SLC16A12: variants seen among roughly 807,000 people sequenced by gnomAD.
SLC16A12 encodes the protein monocarboxylate transporter 12.
A neutral mutation model predicts 42.4 loss-of-function variants in SLC16A12; 17 were observed. The observed-to-expected ratio is 0.40, with a 90% CI of 0.27 to 0.60. The LOEUF is 0.60. Among genes scored for constraint, SLC16A12 ranks in the 20% least tolerant of loss-of-function variants. SLC16A12 has a pLI of 0.42. For synonymous variants in SLC16A12, 224 were observed against 229.4 expected (o/e 0.98, Z 0.21); for missense variants, 544 against 623.0 (o/e 0.87, Z 1.35).
intron 2 of SLC16A12, among the ~76,000 whole-genome samples, chr10:89,543,654 A>G (rs896150926): frequency 6.6e-6 from 1 of 151,576 alleles, no homozygotes; most frequent in African/African-American, 2.4e-5. Flanking sequence ...TATGGTGAAA[A>G]CCTGTCTCTA....
chr10:89,545,306 C>A (rs1322743327), intron 2 of SLC16A12, among the ~76,000 whole-genome samples: 1 of 152,144 alleles, frequency 6.6e-6, no homozygotes, highest in Non-Finnish European at 1.5e-5. Context: ...ATTATTTAAT[C>A]AAGAAATAAC....
chr10:89,535,963 T>C (rs914646344), upstream of SLC16A12, among the ~76,000 whole-genome samples: 2 of 152,258 alleles, frequency 1.3e-5, no homozygotes, highest in Admixed American at 1.3e-4. Flanking sequence ...CCGGGGACTC[T>C]GCCTGGCCGG....
intron 3 of SLC16A12, among the ~76,000 whole-genome samples, chr10:89,448,527 G>A (rs542055517): frequency 6.6e-6 from 1 of 152,288 alleles, no homozygotes; most frequent in South Asian, 2.1e-4. Context: ...CTCAATAGAT[G>A]TAGAAAAGGC....
intron 2 of SLC16A12, among the ~76,000 whole-genome samples, chr10:89,477,189 G>A (rs933907567): frequency 1.3e-5 from 2 of 152,178 alleles, no homozygotes; most frequent in African/African-American, 4.8e-5. Context: ...GTTTGGAACC[G>A]AAGAAAGTTT....
intron 2 of SLC16A12, among the ~76,000 whole-genome samples, chr10:89,510,518 T>C (rs1027467020): frequency 2.0e-5 from 3 of 152,216 alleles, no homozygotes; most frequent in African/African-American, 7.2e-5. Flanking sequence ...CTGGGAAAAC[T>C]GGCTAGCCAT....
chr10:89,507,884 A>T (rs1043407278), intron 2 of SLC16A12, among the ~76,000 whole-genome samples: 1 of 152,246 alleles, frequency 6.6e-6, no homozygotes, highest in East Asian at 1.9e-4. Context: ...ATGGAGGAAG[A>T]TCTACCAAGC....
chr10:89,498,317 A>G (rs1410296504), intron 2 of SLC16A12, among the ~76,000 whole-genome samples: 1 of 152,130 alleles, frequency 6.6e-6, no homozygotes, highest in Non-Finnish European at 1.5e-5. Flanking sequence ...GGTTAACAAA[A>G]AGAGACTGTG....
At chr10:89,467,635 G>A (rs538770263) in intron 2 of SLC16A12, among the ~76,000 whole-genome samples, 4 of 152,164 alleles carry the variant, frequency 2.6e-5, no homozygotes, top group Non-Finnish European at 5.9e-5. Context: ...GCTATGTAAA[G>A]CTTATGTAAA....
intron 2 of SLC16A12, among the ~76,000 whole-genome samples, chr10:89,547,208 T>C (rs566810430): frequency 1.2e-3 from 176 of 152,334 alleles, no homozygotes; most frequent in African/African-American, 4.0e-3. Flanking sequence ...GAATATGCCT[T>C]ATAAGAGTAT....
chr10:89,527,431 C>T (rs918027840), intron 2 of SLC16A12, among the ~76,000 whole-genome samples: 12 of 151,454 alleles, frequency 7.9e-5, no homozygotes, highest in Admixed American at 7.3e-4. Context: ...TGCAGCAAGC[C>T]GAGATCATGC....
chr10:89,438,409 T>C (rs1003717949), intron 6 of SLC16A12, among the ~76,000 whole-genome samples, 195 bp downstream of exon 6: 4 of 152,202 alleles, frequency 2.6e-5, no homozygotes, highest in African/African-American at 9.7e-5. Flanking sequence ...AAGCCAAAAA[T>C]GTTTACTATC....
intron 2 of SLC16A12, among the ~76,000 whole-genome samples, chr10:89,483,557 A>C (rs1842698871): frequency 6.6e-6 from 1 of 152,088 alleles, no homozygotes; most frequent in African/African-American, 2.4e-5. Context: ...AAATTGCAAT[A>C]ACCCTCTAAA....
intron 2 of SLC16A12, among the ~76,000 whole-genome samples, chr10:89,477,276 A>C (rs182664469): frequency 4.8e-4 from 73 of 152,136 alleles, no homozygotes; most frequent in African/African-American, 1.4e-3. Flanking sequence ...ATTTAAAAAC[A>C]TGTCCAGCCC....
At position 89,486,714 on chromosome 10, in the gene SLC16A12, GA is replaced by G. The variant is rs886989668; in HGVS notation, c.-46-24091del. Among the ~76,000 whole-genome samples the G allele has an allele frequency of 6.9e-3, 902 of 131,432 alleles. 49 individuals are homozygous for G. The highest frequency in any genetic ancestry group is 0.029 in the African/African-American group (852 of 29,732). 86.2% of individuals were successfully genotyped at this position (131,432 alleles called of 152,430 possible). On this transcript the variant is annotated intron_variant, in intron 2 of 7. Coordinates refer to ENST00000371790, the MANE Select transcript of SLC16A12 (RefSeq NM_213606.4). ...GAAAAGAAAAGAAAAAAGAAAGAAA[GA>G]AAAAAAGAGAAAAACGAAATAAGTA...
chr10:89,509,965 C>T (rs764116979), intron 2 of SLC16A12, among the ~76,000 whole-genome samples: 23 of 152,136 alleles, frequency 1.5e-4, no homozygotes, highest in Non-Finnish European at 2.9e-4. Flanking sequence ...AGAGCCAATT[C>T]GTGAGTGAAC....
chr10:89,490,972 T>C (rs1462714932), intron 2 of SLC16A12, among the ~76,000 whole-genome samples: 2 of 152,204 alleles, frequency 1.3e-5, no homozygotes, highest in Non-Finnish European at 2.9e-5. Flanking sequence ...TTTCAAGAAC[T>C]GGAGACAAAA....
chr10:89,479,653 G>A (rs1842633658), intron 2 of SLC16A12, among the ~76,000 whole-genome samples: 1 of 152,120 alleles, frequency 6.6e-6, no homozygotes, highest in Admixed American at 6.5e-5. Context: ...CTACCCCACG[G>A]AGTTGTTGAG....
At chr10:89,486,834 C>T (rs1842763724) in intron 2 of SLC16A12, among the ~76,000 whole-genome samples, 1 of 151,792 alleles carries the variant, frequency 6.6e-6, no homozygotes, top group South Asian at 2.1e-4. Context: ...CTTTGTTTTC[C>T]AATAAAGATA....
chr10:89,536,700 C>A (rs562673819), upstream of SLC16A12, among the ~76,000 whole-genome samples: 12 of 152,154 alleles, frequency 7.9e-5, no homozygotes, highest in East Asian at 2.3e-3. Context: ...AGACCAACAG[C>A]GAGGTCATCA....
Sources: gnomAD v4.1 joint callset for allele counts (sites outside exome capture counted in the v4.1 genomes callset) on GRCh38, gnomAD v4.1.1 for gene constraint, MANE v1.5 for transcripts, NCBI Gene and HGNC (gene_info 2026-07-23, HGNC 2026-07-21) for gene names.